SINHCAF: variants seen among roughly 807,000 people sequenced by gnomAD.
The protein encoded by SINHCAF is SIN3-HDAC complex-associated factor.
In SINHCAF, 3 loss-of-function variants were observed where a neutral mutation model predicts 25.8. The ratio of observed to expected loss-of-function variants is 0.12; its 90% confidence interval spans 0.05 to 0.30. The LOEUF is 0.30. Among genes scored for constraint, SINHCAF ranks in the 10% least tolerant of loss-of-function variants. The pLI, the probability that SINHCAF is intolerant of heterozygous loss-of-function variation, is 1.00. For missense variants in SINHCAF, 121 were observed against 262.3 expected, an observed-to-expected ratio of 0.46 and a Z score of 3.72; for synonymous variants, 70 against 85.5, an observed-to-expected ratio of 0.82 and a Z score of 1.00.
chr12:31,312,106 G>T, intron 1 of SINHCAF: 2 of 458,866 alleles, frequency 4.4e-6, no homozygotes, highest in Non-Finnish European at 8.5e-6. Flanking sequence ...GGTAACAACT[G>T]ACATTTATCA....
intron 1 of SINHCAF, among the ~76,000 whole-genome samples, chr12:31,299,039 T>TAA (rs61329052): frequency 0.018 from 2,551 of 141,776 alleles, 49 homozygotes; most frequent in African/African-American, 0.045. Context: ...GTCCTCCTGT[T>TAA]AAAAAAAAAA....
In SINHCAF at chr12:31,325,373, G is replaced by A. The variant is rs1008028144; in HGVS notation, c.-21+651C>T. On this transcript the variant is annotated intron_variant, in intron 1 of 5. Coordinates refer to ENST00000337682, the MANE Select transcript of SINHCAF (RefSeq NM_001135812.2). This position sits in a 1 kb window ranked among gnomAD's most constrained non-coding sequence, Gnocchi z 5.9. ...CGCATCCGCATCCCTCCGGAGTTGA[G>A]CAAACAACGCCACGCCGCGTGCGCT... 2.6e-6 allele frequency: 1 copy of A among 384,436 alleles called. No homozygotes were observed. Among genetic ancestry groups the A allele is most frequent in the Non-Finnish European group, 5.2e-6 (1 of 191,278 alleles). The allele number at this position is 384,436 out of a possible 1,614,324, so 23.8% of individuals were successfully genotyped here. A position where few individuals can be genotyped will look rare whatever the true frequency, so the allele number is the denominator to read the frequency against.
At chr12:31,284,749 C>G (rs1442024792) in intron 5 of SINHCAF, among the ~76,000 whole-genome samples, 1 of 152,172 alleles carries the variant, frequency 6.6e-6, no homozygotes, top group Non-Finnish European at 1.5e-5. Flanking sequence ...TATCACATAA[C>G]AAGTGCTATA....
intron 1 of SINHCAF, among the ~76,000 whole-genome samples, chr12:31,301,443 T>C (rs1267942824): frequency 6.6e-6 from 1 of 152,206 alleles, no homozygotes; most frequent in Non-Finnish European, 1.5e-5. Context: ...GCTTACCCTC[T>C]CCTAGGCAAT....
At chr12:31,283,021 T>TA in intron 5 of SINHCAF, 150 bp from the exon 6 acceptor site, 1 of 528,538 alleles carries the variant, frequency 1.9e-6, no homozygotes, top group South Asian at 4.7e-5. Context: ...GCTCCTAGAG[T>TA]AACCCCAATT....
At chr12:31,292,366 G>A (rs1487756674) in intron 4 of SINHCAF, among the ~76,000 whole-genome samples, 1 of 151,972 alleles carries the variant, frequency 6.6e-6, no homozygotes, top group Non-Finnish European at 1.5e-5. Flanking sequence ...AGGCATGGTG[G>A]TGCATGTCTG....
chr12:31,311,027 G>A (rs191527570), intron 1 of SINHCAF, among the ~76,000 whole-genome samples: 131 of 152,062 alleles, frequency 8.6e-4, no homozygotes, highest in African/African-American at 3.0e-3. Context: ...GTGCCACCAC[G>A]ACTGGCTGAT....
intron 5 of SINHCAF, 135 bp from the exon 6 acceptor site, chr12:31,283,006 A>T (rs1306620163): frequency 3.2e-6 from 2 of 624,968 alleles, no homozygotes; most frequent in Non-Finnish European, 2.6e-6. Context: ...ATTCCAAGTG[A>T]AAGGGCTCCT....
At position 31,324,940 on chromosome 12, in the gene SINHCAF, C is replaced by T. The variant is rs986557346; in HGVS notation, c.-21+1084G>A. 2 of 456,176 alleles carry T rather than the reference C, an allele frequency of 4.4e-6. No individual in the cohort carries two copies. Among genetic ancestry groups the T allele is most frequent in the African/African-American group, 4.0e-5 (2 of 50,100 alleles). 28.3% of individuals were successfully genotyped at this position (456,176 alleles called of 1,614,324 possible). ...GCAAGACGCCATCATCAGCAAACCA[C>T]ATTGTCCTGCCGGCCGGACCTGCCC... On this transcript the variant is annotated intron_variant, in intron 1 of 5. Coordinates refer to ENST00000337682, the MANE Select transcript of SINHCAF (RefSeq NM_001135812.2). This position sits in a 1 kb window ranked among gnomAD's most constrained non-coding sequence, Gnocchi z 5.5.
At chr12:31,296,880 G>A (rs1938572715) in intron 2 of SINHCAF, 2 of 309,744 alleles carry the variant, frequency 6.5e-6, no homozygotes, top group South Asian at 5.3e-5. Context: ...ACAAACAAAC[G>A]ATTATATTGC....
At chr12:31,307,954 A>T (rs1053745506) in intron 1 of SINHCAF, among the ~76,000 whole-genome samples, 8 of 150,848 alleles carry the variant, frequency 5.3e-5, no homozygotes, top group East Asian at 1.9e-4. Context: ...TTAACCTTTT[A>T]AAAAAAAACA....
intron 4 of SINHCAF, 100 bp from the exon 5 acceptor site, chr12:31,287,884 AG>A (rs1555111604): frequency 2.0e-6 from 1 of 510,390 alleles, no homozygotes; most frequent in Non-Finnish European, 3.3e-6. Flanking sequence ...TTGGTAAAAA[AG>A]AAAAAGTAAA....
intron 3 of SINHCAF, 99 bp from the exon 4 acceptor site, chr12:31,294,030 C>T: frequency 1.1e-6 from 1 of 872,134 alleles, no homozygotes; most frequent in South Asian, 2.2e-5. Flanking sequence ...CAGTTTTATA[C>T]TGAAAAGAGG....
rs1348229115 is a variant in SINHCAF, at chr12:31,319,249, C to T, written c.-21+6775G>A. Among the ~76,000 whole-genome samples, 6 of 152,322 alleles carry T rather than the reference C, an allele frequency of 3.9e-5. No individual in the cohort carries two copies. In the East Asian group the frequency reaches 1.2e-3, roughly 29 times the overall value. ...TCCTCATCTATAAAATAATGACAGG[C>T]CGGGCACAGTGGCTCACGCCTGTAA... On this transcript the variant is annotated intron_variant, in intron 1 of 5. Transcript: ENST00000337682.
In SINHCAF at chr12:31,295,742, C is replaced by T. The variant is rs528362498; in HGVS notation, c.129-409G>A. ...CAAAAATCAGCCTGGTGTGGTGGTG[C>T]ACACCTGTAGTCCCAGCTACTCAAG... On this transcript the variant is annotated intron_variant, in intron 2 of 5. Coordinates refer to ENST00000337682, the MANE Select transcript of SINHCAF (RefSeq NM_001135812.2). Among the ~76,000 whole-genome samples, 9 of 151,610 alleles carry T rather than the reference C, an allele frequency of 5.9e-5. No homozygotes were observed. The South Asian group carries it at 6.3e-4, about 11-fold the overall frequency.
At chr12:31,319,723 C>T (rs2137137370) in intron 1 of SINHCAF, among the ~76,000 whole-genome samples, 1 of 152,256 alleles carries the variant, frequency 6.6e-6, no homozygotes, top group Admixed American at 6.5e-5. Context: ...AATCCACTCG[C>T]AGGAAGTTAC....
intron 1 of SINHCAF, among the ~76,000 whole-genome samples, chr12:31,309,152 A>ACTATC (rs1555115640): frequency 2.0e-5 from 3 of 147,058 alleles, no homozygotes; most frequent in Admixed American, 6.9e-5. Context: ...AAAAAAAAAG[A>ACTATC]ACACTATCAT....
At chr12:31,310,896 A>T (rs1414340492) in intron 1 of SINHCAF, among the ~76,000 whole-genome samples, 7 of 142,476 alleles carry the variant, frequency 4.9e-5, no homozygotes, top group African/African-American at 1.6e-4. Flanking sequence ...TTCCTGAGAG[A>T]GTCTCACTCT....
chr12:31,293,657 GAT>G, intron 4 of SINHCAF, 146 bp downstream of exon 4: 1 of 619,752 alleles, frequency 1.6e-6, no homozygotes, highest in Non-Finnish European at 2.6e-6. Flanking sequence ...ACAGAAATAA[GAT>G]AACATCTCTA....
Sources: gnomAD v4.1 joint callset for allele counts (sites outside exome capture counted in the v4.1 genomes callset) on GRCh38, gnomAD v4.1.1 for gene constraint, Gnocchi (gnomAD v3.1) non-coding constraint, MANE v1.5 for transcripts, NCBI Gene and HGNC (gene_info 2026-07-23, HGNC 2026-07-21) for gene names.